ANXA2: variants seen among roughly 807,000 people sequenced by gnomAD.
ANXA2 encodes the protein annexin A2.
ANXA2 carries 28 observed loss-of-function variants against 47.3 expected under a neutral mutation model. The observed-to-expected ratio is 0.59, with a 90% CI of 0.44 to 0.81. The LOEUF is 0.81. Ranked by LOEUF, ANXA2 falls within the 40% of genes least tolerant of loss-of-function variation. The probability of loss-of-function intolerance (pLI) is 0.00; values close to 1 mark genes in which losing one functional copy is unlikely to be tolerated. For missense variants in ANXA2, 384 were observed against 414.3 expected (o/e 0.93, Z 0.64); for synonymous variants, 172 against 155.5 (o/e 1.11, Z -0.79).
At chr15:60,356,113 C>T (rs903593973) in intron 6 of ANXA2, 115 bp from the exon 7 acceptor site, 25 of 735,184 alleles carry the variant, frequency 3.4e-5, no homozygotes, top group African/African-American at 3.1e-4. Context: ...GTCAGCTGGA[C>T]ATATCCATTC....
At chr15:60,372,951 A>T (rs190648952) in intron 3 of ANXA2, among the ~76,000 whole-genome samples, 11 of 152,204 alleles carry the variant, frequency 7.2e-5, no homozygotes, top group Admixed American at 4.6e-4. Flanking sequence ...CACCACACCC[A>T]GCCTGGCCCA....
intron 3 of ANXA2, among the ~76,000 whole-genome samples, chr15:60,367,565 G>T (rs1482349130): frequency 3.0e-5 from 2 of 67,342 alleles, no homozygotes; most frequent in Non-Finnish European, 5.7e-5. Flanking sequence ...AGGGAGGTGG[G>T]GGGGACAGCC....
At position 60,375,419 on chromosome 15, in the gene ANXA2, T is replaced by G. The variant is rs1262871063; in HGVS notation, c.148+6923A>C. Among the ~76,000 whole-genome samples, 3 of 152,206 alleles carry G rather than the reference T, an allele frequency of 2.0e-5. No individual in the cohort carries two copies. The East Asian group carries it at 5.8e-4, about 29-fold the overall frequency. ...TGCTGCTGCTAATTACAGTCTATTT[T>G]CTGGAGTCTCGATTCATCCTTTTCT... is the stretch of plus-strand genomic sequence containing the variant. On this transcript the variant is annotated intron_variant, in intron 3 of 12. Coordinates refer to ENST00000451270, the MANE Select transcript of ANXA2 (RefSeq NM_004039.3).
chr15:60,382,680 A>G (rs2062879452), intron 2 of ANXA2: 2 of 346,710 alleles, frequency 5.8e-6, no homozygotes, highest in Admixed American at 4.1e-5. Flanking sequence ...TCAACTTCTC[A>G]TCTTACTTTT....
intron 1 of ANXA2, among the ~76,000 whole-genome samples, chr15:60,395,064 T>C (rs1159730262): frequency 6.6e-6 from 1 of 152,006 alleles, no homozygotes; most frequent in African/African-American, 2.4e-5. Context: ...TAAGACACCA[T>C]AATTTTAAGC....
chr15:60,396,749 C>A (rs1053286816), intron 1 of ANXA2, among the ~76,000 whole-genome samples: 1 of 152,226 alleles, frequency 6.6e-6, no homozygotes, highest in Non-Finnish European at 1.5e-5. Context: ...GTAGCACACA[C>A]GTGTGAACAG....
At chr15:60,371,635 G>A (rs546420338) in intron 3 of ANXA2, among the ~76,000 whole-genome samples, 29 of 152,306 alleles carry the variant, frequency 1.9e-4, no homozygotes, top group African/African-American at 6.7e-4. Context: ...TCGGGAGAGT[G>A]GGGGTTGACT....
At chr15:60,397,475 T>C in intron 1 of ANXA2, 1 of 276,868 alleles carries the variant, frequency 3.6e-6, no homozygotes, top group East Asian at 1.2e-4. Flanking sequence ...AGCGCGCGTT[T>C]GTTTCGAGTA....
intron 1 of ANXA2, chr15:60,386,297 G>C: frequency 1.9e-6 from 1 of 532,244 alleles, no homozygotes; most frequent in Non-Finnish European, 3.4e-6. Context: ...TACTAAACTA[G>C]CCAGTCTTTC....
intron 1 of ANXA2, chr15:60,397,386 G>A: frequency 1.1e-6 from 1 of 922,598 alleles, no homozygotes. Context: ...TTTTATGGGG[G>A]GCTGAGGGGT....
intron 1 of ANXA2, among the ~76,000 whole-genome samples, chr15:60,397,049 G>A (rs1030214775): frequency 2.0e-5 from 3 of 152,154 alleles, no homozygotes; most frequent in African/African-American, 7.2e-5. Flanking sequence ...CCCAGATGAG[G>A]AAACTTATCT....
At chr15:60,380,573 G>A (rs1405289629) in intron 3 of ANXA2, among the ~76,000 whole-genome samples, 1 of 151,640 alleles carries the variant, frequency 6.6e-6, no homozygotes, top group African/African-American at 2.4e-5. Context: ...GGAGGCCAAG[G>A]CGGGCGGATC....
intron 7 of ANXA2, chr15:60,355,684 G>A (rs868183967): frequency 5.5e-5 from 32 of 581,316 alleles, no homozygotes; most frequent in African/African-American, 3.3e-4. Flanking sequence ...CTTGAGAGCC[G>A]CCCATCCCTT....
rs2062420851 is a variant in ANXA2 at position 60,355,832 on chromosome 15, T to TAAA, written c.528+86_528+87insTTT. 3 of 1,113,932 alleles carry TAAA rather than the reference T, an allele frequency of 2.7e-6. No individual in the cohort carries two copies. The African/African-American group carries it at 4.6e-5, about 17-fold the overall frequency. The allele number at this position is 1,113,932 out of a possible 1,614,324, so 69.0% of individuals were successfully genotyped here. ...GAATTTCTGATGCAGGCACAGGGGA[T>TAAA]TTAGTTAATTCACTCCAAGTATAAA... On this transcript the variant is annotated intron_variant, in intron 7 of 12. Coordinates refer to ENST00000451270, the MANE Select transcript of ANXA2 (RefSeq NM_004039.3).
chr15:60,355,734 G>A (rs1389164164), intron 7 of ANXA2, 185 bp downstream of exon 7: 5 of 671,674 alleles, frequency 7.4e-6, no homozygotes, highest in Non-Finnish European at 1.4e-5. Context: ...AGGTTTTGCA[G>A]GATAAGAAAT....
intron 1 of ANXA2, chr15:60,396,168 G>C (rs990490695): frequency 1.3e-5 from 2 of 152,024 alleles, no homozygotes; most frequent in Non-Finnish European, 2.9e-5. Context: ...TTGGACTCAA[G>C]AGATCCACTA....
intron 8 of ANXA2, among the ~76,000 whole-genome samples, chr15:60,353,657 T>C (rs765670726): frequency 6.6e-6 from 1 of 152,174 alleles, no homozygotes; most frequent in Non-Finnish European, 1.5e-5. Context: ...CCACTGAGTG[T>C]GGGCTAGACT....
rs113764853 is a variant in ANXA2, at chr15:60,359,281, T to C, written c.357+1660A>G. Among the ~76,000 whole-genome samples the C allele has an allele frequency of 4.4e-3, 667 of 152,286 alleles. 3 individuals are homozygous for C. Among genetic ancestry groups the C allele is most frequent in the African/African-American group, 0.015 (634 of 41,546 alleles). ...TCTGTTTCAAGTCCCTAATACCTAGTAATAGATACCAGTAAAGCCACTCGA... is the reference window on the plus strand; with the variant it reads ...TCTGTTTCAAGTCCCTAATACCTAGCAATAGATACCAGTAAAGCCACTCGA... On this transcript the variant is annotated intron_variant, in intron 5 of 12. Coordinates refer to ENST00000451270, the MANE Select transcript of ANXA2 (RefSeq NM_004039.3).
intron 3 of ANXA2, among the ~76,000 whole-genome samples, chr15:60,368,211 G>C (rs926408810): frequency 6.8e-6 from 1 of 147,160 alleles, no homozygotes. Context: ...GAAAACCAGA[G>C]ACCTTTGTTC....
Sources: gnomAD v4.1 joint callset for allele counts (sites outside exome capture counted in the v4.1 genomes callset) on GRCh38, gnomAD v4.1.1 for gene constraint, MANE v1.5 for transcripts, NCBI Gene and HGNC (gene_info 2026-07-23, HGNC 2026-07-21) for gene names.